Variants in ASZ1 observed in about 807,000 individuals in gnomAD.
ASZ1 encodes the protein ankyrin repeat, SAM and basic leucine zipper domain-containing protein 1.
ASZ1 carries 67 observed loss-of-function variants against 61.8 expected under a neutral mutation model. The ratio of observed to expected loss-of-function variants is 1.08; its 90% CI spans 0.89 to 1.33. The LOEUF is 1.33. ASZ1 is among the 40% of genes most tolerant of loss of function. The probability of loss-of-function intolerance (pLI) is 0.00; values close to 1 mark genes in which losing one functional copy is unlikely to be tolerated. For missense variants in ASZ1, 577 were observed against 554.5 expected (o/e 1.04, Z -0.41); for synonymous variants, 193 against 192.7 (o/e 1.00, Z -0.01).
rs1488530630 is a variant in ASZ1 at position 117,427,343 on chromosome 7, C to A, written c.105+13G>T. ...GAAACCAGGTGTGGTCAAGACAAGG[C>A]CTCCTCCGCTACCTGAGACGTCCGG... On this transcript the variant is annotated intron_variant, in intron 1 of 12. Transcript: ENST00000284629. The A allele has an allele frequency of 6.2e-7, 1 of 1,613,960 alleles. No individual in the cohort carries two copies. The highest frequency in any genetic ancestry group is 1.7e-5 in the Admixed American group (1 of 60,026).
At position 117,364,419 on chromosome 7, in the gene ASZ1, CAGAGAG is replaced by C. The variant is rs35394991; in HGVS notation, c.1276-677_1276-672del. On this transcript the variant is annotated intron_variant, in intron 12 of 12. Coordinates refer to ENST00000284629, the MANE Select transcript of ASZ1 (RefSeq NM_130768.3). ...TGTGTTTCTGTGAGAGACAGAGAGA[CAGAGAG>C]AGAGAGAGAGAGAGAGAGAAGGGGG... Among the ~76,000 whole-genome samples, 198 of 145,270 alleles carry C rather than the reference CAGAGAG, an allele frequency of 1.4e-3. 1 individual carries two copies. The highest frequency in any genetic ancestry group is 4.4e-3 in the African/African-American group (173 of 39,418).
chr7:117,379,834 A>T, intron 10 of ASZ1, 104 bp downstream of exon 10: 1 of 681,958 alleles, frequency 1.5e-6, no homozygotes, highest in Non-Finnish European at 2.3e-6. Context: ...CCCTGGGAAA[A>T]TGATGGTATC....
At chr7:117,409,861 T>G (rs1256577921) in intron 4 of ASZ1, among the ~76,000 whole-genome samples, 1 of 151,808 alleles carries the variant, frequency 6.6e-6, no homozygotes, top group East Asian at 1.9e-4. Context: ...AAATGCATGT[T>G]TAACTAGATT....
In ASZ1 at chr7:117,427,468, A is replaced by G. The variant is rs1458958770; in HGVS notation, c.-8T>C. 7 of 1,613,638 alleles carry G rather than the reference A, an allele frequency of 4.3e-6. No homozygotes were observed. The highest frequency in any genetic ancestry group is 5.9e-6 in the Non-Finnish European group (7 of 1,179,736). The stretch of plus-strand genomic sequence containing the variant: ...CAGCGCGCTCGCCGCCATGCCAGCC[A>G]AGGAAGCTCCCTGTCGGCACCGCGC... On this transcript the variant is annotated 5_prime_UTR_variant, in exon 1 of 13. Transcript: ENST00000284629.
At chr7:117,369,281 G>A (rs1796004227) in intron 10 of ASZ1, among the ~76,000 whole-genome samples, 1 of 152,104 alleles carries the variant, frequency 6.6e-6, no homozygotes, top group African/African-American at 2.4e-5. Flanking sequence ...AGGTGCAAGA[G>A]TACAGGGGTA....
At chr7:117,366,940 T>C (rs1239365434) in intron 12 of ASZ1, among the ~76,000 whole-genome samples, 1 of 152,200 alleles carries the variant, frequency 6.6e-6, no homozygotes, top group African/African-American at 2.4e-5. Context: ...ATTTATTAAG[T>C]TGTTCTCCTA....
At chr7:117,402,396 T>C (rs576836846) in intron 4 of ASZ1, among the ~76,000 whole-genome samples, 2 of 152,284 alleles carry the variant, frequency 1.3e-5, no homozygotes, top group African/African-American at 4.8e-5. Context: ...CTTTGTCACG[T>C]TGGCATGTTG....
chr7:117,368,766 T>C (rs762540927), intron 10 of ASZ1, 49 bp from the exon 11 acceptor site: 1 of 1,599,486 alleles, frequency 6.3e-7, no homozygotes, highest in African/African-American at 1.3e-5. Context: ...ATAAGAGCAA[T>C]TTATTTCATT....
intron 4 of ASZ1, among the ~76,000 whole-genome samples, chr7:117,415,924 C>G (rs2116527319): frequency 6.6e-6 from 1 of 152,336 alleles, no homozygotes; most frequent in Middle Eastern, 3.4e-3. Context: ...GGCGCAGTGA[C>G]TCATGCCTGT....
chr7:117,381,304 C>T (rs1417981117), intron 8 of ASZ1, among the ~76,000 whole-genome samples: 2 of 151,944 alleles, frequency 1.3e-5, no homozygotes, highest in African/African-American at 4.8e-5. Flanking sequence ...CAAATGATTA[C>T]CATTCATATT....
intron 6 of ASZ1, 112 bp downstream of exon 6, chr7:117,384,614 T>C (rs1796312451): frequency 6.4e-6 from 8 of 1,240,674 alleles, no homozygotes; most frequent in Non-Finnish European, 7.6e-6. Context: ...CATTTAATAA[T>C]TGCCAGATAC....
At chr7:117,415,339 C>T (rs1002099292) in intron 4 of ASZ1, among the ~76,000 whole-genome samples, 2 of 152,102 alleles carry the variant, frequency 1.3e-5, no homozygotes, top group Non-Finnish European at 2.9e-5. Flanking sequence ...AGATATGAAT[C>T]ATCTTTTGTC....
In ASZ1 at chr7:117,381,073, TA is replaced by T; in HGVS notation, c.889-7del. The T allele has an allele frequency of 6.4e-7, 1 of 1,557,510 alleles. No individual in the cohort carries two copies. Among genetic ancestry groups the T allele is most frequent in the Non-Finnish European group, 8.7e-7 (1 of 1,151,372 alleles). ...CTTAACGTTATATCCCTTTCCTGTA[TA>T]AAAGGAAAAAAAGGCCACCTTTCCA... On this transcript the variant is annotated splice_polypyrimidine_tract_variant and splice_region_variant and intron_variant, in intron 8 of 12. Coordinates refer to ENST00000284629, the MANE Select transcript of ASZ1 (RefSeq NM_130768.3).
chr7:117,368,755 A>G, intron 10 of ASZ1, 38 bp from the exon 11 acceptor site: 1 of 1,604,310 alleles, frequency 6.2e-7, no homozygotes, highest in South Asian at 1.1e-5. Context: ...AGGAATTACT[A>G]ATAAGAGCAA....
chr7:117,416,274 G>C (rs982566543), intron 4 of ASZ1, among the ~76,000 whole-genome samples: 2 of 152,196 alleles, frequency 1.3e-5, no homozygotes, highest in Non-Finnish European at 2.9e-5. Flanking sequence ...GTGCTTGTCT[G>C]TTTAGGGACT....
Position 117,422,320 on chromosome 7 carries a change from G to A in ASZ1, c.245C>T (p.Pro82Leu), listed in dbSNP as rs759590403. The change falls in exon 3 of 13, where the codon CCC (proline) becomes CTC (leucine). Residue 82 changes from proline to leucine, a missense_variant. Pro to Leu is a moderately conservative substitution (Grantham distance 98). Transcript: ENST00000284629. ...VDSNFQYGWTPLMYAASVANA... is the reference protein window; with the variant it reads ...VDSNFQYGWTLLMYAASVANA... Reference sequence around the variant, plus strand: ...GGCAACACTAGCAGCATACATAAGGGGAGTCCATCCATACTGAAAGTTGGA... The same window carrying A: ...GGCAACACTAGCAGCATACATAAGGAGAGTCCATCCATACTGAAAGTTGGA... The A allele has an allele frequency of 3.7e-6, 6 of 1,612,608 alleles. No individual in the cohort carries two copies. Among genetic ancestry groups the A allele is most frequent in the Non-Finnish European group, 5.1e-6 (6 of 1,179,372 alleles).
chr7:117,379,168 T>TACACACAC (rs58457982), intron 10 of ASZ1, among the ~76,000 whole-genome samples: 46 of 69,694 alleles, frequency 6.6e-4, no homozygotes, highest in African/African-American at 1.4e-3. Flanking sequence ...TATATATATA[T>TACACACAC]ACACACACAC....
intron 4 of ASZ1, among the ~76,000 whole-genome samples, chr7:117,409,332 T>A (rs76995514): frequency 0.021 from 3,197 of 152,060 alleles, 112 homozygotes; most frequent in African/African-American, 0.073. Context: ...GAATTTATTT[T>A]AAAAAATTAT....
chr7:117,426,537 A>G (rs1006468563), intron 2 of ASZ1, among the ~76,000 whole-genome samples: 1 of 151,576 alleles, frequency 6.6e-6, no homozygotes, highest in African/African-American at 2.4e-5. Flanking sequence ...AAGAAACAAC[A>G]TTACAGCAGA....
Sources: gnomAD v4.1 joint callset for allele counts (sites outside exome capture counted in the v4.1 genomes callset) on GRCh38, gnomAD v4.1.1 for gene constraint, MANE v1.5 for transcripts, NCBI Gene and HGNC (gene_info 2026-07-23, HGNC 2026-07-21) for gene names.